The following PIP4K2A variants were observed in gnomAD, a reference collection of about 807,000 sequenced individuals.
PIP4K2A encodes the protein phosphatidylinositol-5-phosphate 4-kinase type 2 alpha.
A neutral mutation model predicts 42.9 loss-of-function variants in PIP4K2A; 14 were observed. The observed-to-expected ratio is 0.33, with a 90% CI of 0.22 to 0.51. The LOEUF (loss-of-function observed/expected upper bound fraction) is 0.51. Ranked by LOEUF, PIP4K2A falls within the 20% of genes least tolerant of loss-of-function variation. The probability of loss-of-function intolerance (pLI) is 0.97; values close to 1 mark genes in which losing one functional copy is unlikely to be tolerated. For synonymous variants in PIP4K2A, 192 were observed against 192.2 expected, an observed-to-expected ratio of 1.00 and a Z score of 0.01; for missense variants, 434 against 519.8, an observed-to-expected ratio of 0.83 and a Z score of 1.61.
chr10:22,577,840 A>C (rs986800712), intron 4 of PIP4K2A, among the ~76,000 whole-genome samples: 3 of 152,098 alleles, frequency 2.0e-5, no homozygotes, highest in Admixed American at 2.0e-4. Context: ...ACAAAAACAA[A>C]ACACAAAACG....
chr10:22,646,137 A>C (rs564709575), intron 1 of PIP4K2A: 1 of 152,352 alleles, frequency 6.6e-6, no homozygotes, highest in Admixed American at 6.5e-5. Context: ...TACATCTGAA[A>C]GACAACTTTC....
intron 3 of PIP4K2A, among the ~76,000 whole-genome samples, chr10:22,598,134 G>A (rs553983641): frequency 6.6e-6 from 1 of 152,206 alleles, no homozygotes; most frequent in Admixed American, 6.5e-5. Context: ...GAGGTGGGAA[G>A]ATCACTTGAG....
chr10:22,629,563 T>A (rs1306367182), intron 1 of PIP4K2A, among the ~76,000 whole-genome samples: 2 of 152,106 alleles, frequency 1.3e-5, no homozygotes, highest in African/African-American at 4.8e-5. Flanking sequence ...GAAGATAAAT[T>A]TAAAATACAA....
chr10:22,640,988 GA>G (rs1037638239), intron 1 of PIP4K2A, among the ~76,000 whole-genome samples: 50 of 151,264 alleles, frequency 3.3e-4, no homozygotes, highest in African/African-American at 1.2e-3. Flanking sequence ...ATTCCATTTT[GA>G]AAAAAAAATT....
At chr10:22,658,935 A>G (rs1210528139) in intron 1 of PIP4K2A, among the ~76,000 whole-genome samples, 1 of 152,240 alleles carries the variant, frequency 6.6e-6, no homozygotes, top group East Asian at 1.9e-4. Flanking sequence ...CATCTTTCTG[A>G]TAAGGGCTCC....
chr10:22,548,074 T>G (rs947248224), intron 7 of PIP4K2A, among the ~76,000 whole-genome samples: 1 of 152,196 alleles, frequency 6.6e-6, no homozygotes, highest in African/African-American at 2.4e-5. Flanking sequence ...TTAGAAAGCA[T>G]GGAACTGATG....
intron 1 of PIP4K2A, among the ~76,000 whole-genome samples, chr10:22,618,862 T>C (rs1464657081): frequency 6.6e-6 from 1 of 152,204 alleles, no homozygotes; most frequent in Non-Finnish European, 1.5e-5. Context: ...GTTTGTAAAA[T>C]GGGGAAACTA....
At chr10:22,650,159 G>A (rs1412116921) in intron 1 of PIP4K2A, among the ~76,000 whole-genome samples, 2 of 152,172 alleles carry the variant, frequency 1.3e-5, no homozygotes, top group South Asian at 2.1e-4. Flanking sequence ...CACTCCCTTA[G>A]GGACTTCCCA....
chr10:22,582,947 TATAAC>T (rs752269241), intron 4 of PIP4K2A, among the ~76,000 whole-genome samples: 16 of 124,140 alleles, frequency 1.3e-4, no homozygotes, highest in Admixed American at 3.1e-4. Flanking sequence ...ATATAACAAA[TATAAC>T]AAAACAAATG....
intron 3 of PIP4K2A, among the ~76,000 whole-genome samples, chr10:22,600,231 A>T (rs1837727441): frequency 6.6e-6 from 1 of 151,938 alleles, no homozygotes; most frequent in Admixed American, 6.6e-5. Flanking sequence ...TCGTTTGTAT[A>T]CATTCTGCTA....
intron 6 of PIP4K2A, among the ~76,000 whole-genome samples, chr10:22,561,984 G>T (rs1332322131): frequency 6.6e-6 from 1 of 152,136 alleles, no homozygotes. Context: ...CTAAAATGTA[G>T]TAAGTGTTTT....
At chr10:22,675,548 C>T (rs565229214) in intron 1 of PIP4K2A, among the ~76,000 whole-genome samples, 1 of 152,274 alleles carries the variant, frequency 6.6e-6, no homozygotes, top group East Asian at 1.9e-4. Context: ...CAAGATTGCA[C>T]CACTGCACTC....
chr10:22,546,578 A>C (rs1220621984), intron 7 of PIP4K2A, among the ~76,000 whole-genome samples: 1 of 152,026 alleles, frequency 6.6e-6, no homozygotes, highest in African/African-American at 2.4e-5. Context: ...CGTTTGGCTA[A>C]TTTTTAAAAC....
In PIP4K2A at chr10:22,608,039, C is replaced by T. The variant is rs1005577911; in HGVS notation, c.243-16G>A. ...CATGTTTTCTCTGAAACAGTCACAG[C>T]GTGGAATAAAGCTCAGAGAGAGTCA... is the stretch of plus-strand genomic sequence containing the variant. On this transcript the variant is annotated splice_polypyrimidine_tract_variant and intron_variant, in intron 2 of 9. Transcript: ENST00000376573. The T allele has an allele frequency of 4.5e-6, 7 of 1,538,978 alleles. No homozygotes were observed. The highest frequency in any genetic ancestry group is 3.4e-5 in the Admixed American group (2 of 59,580).
intron 1 of PIP4K2A, among the ~76,000 whole-genome samples, chr10:22,627,630 A>AAAAAAAAAAAAAAAAAAAAAG (rs1346625282): frequency 8.5e-6 from 1 of 118,134 alleles, no homozygotes; most frequent in Non-Finnish European, 1.8e-5. Context: ...AAAAAAAAAA[A>AAAAAAAAAAAAAAAAAAAAAG]AGATAAGGAA....
intron 3 of PIP4K2A, among the ~76,000 whole-genome samples, chr10:22,598,351 CTG>C (rs1837679286): frequency 6.6e-6 from 1 of 152,132 alleles, no homozygotes; most frequent in African/African-American, 2.4e-5. Flanking sequence ...GACAGAGACT[CTG>C]TTAAAAAATA....
intron 3 of PIP4K2A, among the ~76,000 whole-genome samples, chr10:22,598,895 C>G (rs1837689658): frequency 6.6e-6 from 1 of 152,166 alleles, no homozygotes; most frequent in Non-Finnish European, 1.5e-5. Flanking sequence ...CAAAAATACA[C>G]TTTCTTCATT....
At chr10:22,697,936 G>A (rs1298485648) in intron 1 of PIP4K2A, among the ~76,000 whole-genome samples, 1 of 152,090 alleles carries the variant, frequency 6.6e-6, no homozygotes, top group Non-Finnish European at 1.5e-5. Flanking sequence ...GAAGAATTCT[G>A]CCTGCCATTA....
intron 4 of PIP4K2A, among the ~76,000 whole-genome samples, chr10:22,575,110 T>C (rs1281450902): frequency 1.3e-5 from 2 of 152,202 alleles, no homozygotes; most frequent in African/African-American, 2.4e-5. Context: ...AATTCCTACC[T>C]TGAAGGTTGT....
Sources: gnomAD v4.1 joint callset for allele counts (sites outside exome capture counted in the v4.1 genomes callset) on GRCh38, gnomAD v4.1.1 for gene constraint, MANE v1.5 for transcripts, NCBI Gene and HGNC (gene_info 2026-07-23, HGNC 2026-07-21) for gene names.